The following RBM47 variants were observed in gnomAD, a reference collection of about 807,000 sequenced individuals.
The protein encoded by RBM47 is RNA binding motif protein 47, also known as RNA-binding protein 47.
RBM47 carries 21 observed loss-of-function variants against 47.1 expected under a neutral mutation model. The ratio of observed to expected loss-of-function variants is 0.45; its 90% CI spans 0.32 to 0.64. The LOEUF (loss-of-function observed/expected upper bound fraction) is 0.64, where lower values mean the gene tolerates loss of function less well. RBM47 is among the 30% of genes least tolerant of loss of function. The pLI, the probability that RBM47 is intolerant of heterozygous loss-of-function variation, is 0.05. For synonymous variants in RBM47, 375 were observed against 361.7 expected, an observed-to-expected ratio of 1.04 and a Z score of -0.42; for missense variants, 708 against 870.9, an observed-to-expected ratio of 0.81 and a Z score of 2.35.
chr4:40,567,008 G>A (rs1731169969), intron 1 of RBM47, among the ~76,000 whole-genome samples: 1 of 151,760 alleles, frequency 6.6e-6, no homozygotes, highest in South Asian at 2.1e-4. Context: ...CCTGTGCCCT[G>A]GGCTTGCTCT....
chr4:40,570,693 T>G (rs145727149), intron 1 of RBM47, among the ~76,000 whole-genome samples: 58 of 151,940 alleles, frequency 3.8e-4, no homozygotes, highest in African/African-American at 1.4e-3. Context: ...AATGATAAAT[T>G]TAAATAAATA....
At chr4:40,436,159 G>A (rs1261879643) in intron 5 of RBM47, among the ~76,000 whole-genome samples, 1 of 146,918 alleles carries the variant, frequency 6.8e-6, no homozygotes, top group African/African-American at 2.5e-5. Context: ...GCGACAGAGC[G>A]AGACTCTGTC....
At chr4:40,601,332 T>G (rs1735268341) in intron 1 of RBM47, among the ~76,000 whole-genome samples, 1 of 152,206 alleles carries the variant, frequency 6.6e-6, no homozygotes, top group African/African-American at 2.4e-5. Context: ...TGCACATGCT[T>G]GTCAGATCAT....
chr4:40,437,150 TAA>T (rs796719881), intron 4 of RBM47, among the ~76,000 whole-genome samples: 2,237 of 57,140 alleles, frequency 0.039, 119 homozygotes, highest in South Asian at 0.11. Context: ...TATATATATA[TAA>T]AATACATATA....
At chr4:40,456,511 C>A (rs763734247) in intron 3 of RBM47, among the ~76,000 whole-genome samples, 5 of 150,976 alleles carry the variant, frequency 3.3e-5, no homozygotes, top group Non-Finnish European at 7.4e-5. Flanking sequence ...TCTATATATA[C>A]CAACAATACT....
chr4:40,525,743 G>A (rs946350753), intron 2 of RBM47, among the ~76,000 whole-genome samples: 3 of 152,194 alleles, frequency 2.0e-5, no homozygotes, highest in African/African-American at 7.2e-5. Context: ...AAAAACCTAG[G>A]GAATAGGCTT....
At chr4:40,456,491 T>C (rs1220006125) in intron 3 of RBM47, among the ~76,000 whole-genome samples, 1 of 151,958 alleles carries the variant, frequency 6.6e-6, no homozygotes, top group Non-Finnish European at 1.5e-5. Flanking sequence ...GTACATACTA[T>C]TCCTATATAT....
At chr4:40,573,152 CAAAAAAAA>C (rs369450436) in intron 1 of RBM47, among the ~76,000 whole-genome samples, 1 of 63,898 alleles carries the variant, frequency 1.6e-5, no homozygotes, top group Non-Finnish European at 3.7e-5. Flanking sequence ...GACTTCATCT[CAAAAAAAA>C]AAAAAAAAAA....
At chr4:40,624,860 C>CTTTT (rs1172791380) in intron 1 of RBM47, among the ~76,000 whole-genome samples, 214 of 119,494 alleles carry the variant, frequency 1.8e-3, no homozygotes, top group African/African-American at 2.8e-3. Flanking sequence ...TTTTCTTTTT[C>CTTTT]TTTTTTTTTT....
chr4:40,515,355 G>A (rs535060458), intron 2 of RBM47, among the ~76,000 whole-genome samples: 3 of 140,452 alleles, frequency 2.1e-5, no homozygotes, highest in East Asian at 2.0e-4. Flanking sequence ...CGCACTCATC[G>A]GCTACTGGAG....
intron 1 of RBM47, among the ~76,000 whole-genome samples, chr4:40,554,915 C>T (rs1047897051): frequency 6.6e-6 from 1 of 152,004 alleles, no homozygotes; most frequent in Non-Finnish European, 1.5e-5. Flanking sequence ...GCACGCACCA[C>T]AACACTCAGC....
chr4:40,498,461 C>T (rs746940693), intron 2 of RBM47, among the ~76,000 whole-genome samples: 20 of 151,980 alleles, frequency 1.3e-4, no homozygotes, highest in Admixed American at 3.9e-4. Context: ...GGGGGATCAC[C>T]TGAGGTCAGG....
rs181309535 is a variant in RBM47, at chr4:40,467,354, G to A, written c.-154-655C>T. Among the ~76,000 whole-genome samples, 565 of 151,434 alleles carry A rather than the reference G, an allele frequency of 3.7e-3. 4 individuals are homozygous for A. Among genetic ancestry groups the A allele is most frequent in the African/African-American group, 0.013 (534 of 41,294 alleles). On this transcript the variant is annotated intron_variant, in intron 2 of 6. Coordinates refer to ENST00000295971, the MANE Select transcript of RBM47 (RefSeq NM_001098634.2). The stretch of plus-strand genomic sequence containing the variant: ...GCCCAGGCTGGAGTGCAGTTGCGTA[G>A]TCTCGGCTCACTGCAAACGCCACCT...
intron 3 of RBM47, among the ~76,000 whole-genome samples, chr4:40,453,085 C>A (rs763071856): frequency 6.6e-6 from 1 of 151,962 alleles, no homozygotes; most frequent in African/African-American, 2.4e-5. Context: ...GTGATCTGCC[C>A]GCCTCAGCCT....
chr4:40,481,470 TATTATTATTATTATTA>T (rs1720391286), intron 2 of RBM47, among the ~76,000 whole-genome samples: 1 of 131,336 alleles, frequency 7.6e-6, no homozygotes, highest in African/African-American at 2.7e-5. Context: ...TTATTATTAT[TATTATTATTATTATTA>T]TTTTTATTTT....
intron 1 of RBM47, among the ~76,000 whole-genome samples, chr4:40,612,353 C>T (rs905096143): frequency 1.3e-5 from 2 of 152,158 alleles, no homozygotes; most frequent in African/African-American, 4.8e-5. Flanking sequence ...ACTAAAAACA[C>T]ACACAAAAAA....
intron 2 of RBM47, among the ~76,000 whole-genome samples, chr4:40,540,730 A>G (rs1287712657): frequency 6.7e-6 from 1 of 149,002 alleles, no homozygotes. Context: ...TTATAGAACT[A>G]TATAGGTTTT....
At chr4:40,467,844 C>G (rs1718283868) in intron 2 of RBM47, among the ~76,000 whole-genome samples, 1 of 152,168 alleles carries the variant, frequency 6.6e-6, no homozygotes, top group African/African-American at 2.4e-5. Context: ...ATCAAGCCAA[C>G]TGAAGCTCCA....
intron 3 of RBM47, among the ~76,000 whole-genome samples, chr4:40,461,935 TCAA>T (rs1240803508): frequency 1.2e-5 from 1 of 84,778 alleles, no homozygotes; most frequent in Non-Finnish European, 2.7e-5. Flanking sequence ...AAACTCCGTC[TCAA>T]AAAAAAAAAA....
Sources: gnomAD v4.1 joint callset for allele counts (sites outside exome capture counted in the v4.1 genomes callset) on GRCh38, gnomAD v4.1.1 for gene constraint, MANE v1.5 for transcripts, NCBI Gene and HGNC (gene_info 2026-07-23, HGNC 2026-07-21) for gene names.